The following HDAC9 variants were observed in gnomAD, a reference collection of about 807,000 sequenced individuals.
HDAC9 encodes histone deacetylase 9.
HDAC9 carries 41 observed loss-of-function variants against 139.4 expected under a neutral mutation model. That is an observed-to-expected ratio of 0.29 (90% CI 0.23 to 0.38). The LOEUF (loss-of-function observed/expected upper bound fraction) is 0.38. HDAC9 is among the 10% of genes least tolerant of loss of function. The pLI is 1.00. For missense variants in HDAC9, 1,147 were observed against 1,297.0 expected (o/e 0.88, Z 1.78); for synonymous variants, 517 against 476.2 (o/e 1.09, Z -1.12).
chr7:18,775,934 T>C lies in HDAC9; in HGVS notation c.2214+8779T>C, dbSNP rs1381562487. On this transcript the variant is annotated intron_variant, in intron 16 of 25. Coordinates refer to ENST00000686413, the MANE Select transcript of HDAC9 (RefSeq NM_178425.4). ...CTTTCTTTGATGGGGGCATCCAATT[T>C]TTTGTTTGTTTGTTTGAGACAGGGT... Among the ~76,000 whole-genome samples, 9 of 152,114 alleles carry C rather than the reference T, an allele frequency of 5.9e-5. No homozygotes were observed. In the East Asian group the frequency reaches 7.8e-4, roughly 13 times the overall value.
intron 24 of HDAC9, among the ~76,000 whole-genome samples, chr7:18,958,893 A>G: frequency 6.6e-6 from 1 of 152,146 alleles, no homozygotes; most frequent in East Asian, 1.9e-4. Context: ...AAGAACATGG[A>G]TTATTTTTGT....
chr7:18,105,863 G>A (rs1783164636), intron 1 of HDAC9, among the ~76,000 whole-genome samples: 1 of 152,148 alleles, frequency 6.6e-6, no homozygotes, highest in Admixed American at 6.5e-5. Flanking sequence ...ACAAAATGTG[G>A]TGTAGTTGCA....
chr7:18,848,452 T>C (rs1026270182), intron 21 of HDAC9, among the ~76,000 whole-genome samples: 11 of 152,102 alleles, frequency 7.2e-5, no homozygotes, highest in African/African-American at 2.2e-4. Context: ...GGTGCCCTTA[T>C]GAGCAGTGAC....
At chr7:18,847,244 A>G (rs1796969550) in intron 21 of HDAC9, among the ~76,000 whole-genome samples, 1 of 152,126 alleles carries the variant, frequency 6.6e-6, no homozygotes, top group Admixed American at 6.6e-5. Context: ...CCAGTGTTGA[A>G]TTTCACCGTT....
intron 1 of HDAC9, among the ~76,000 whole-genome samples, chr7:18,102,431 G>C (rs182615603): frequency 1.3e-5 from 2 of 152,296 alleles, no homozygotes; most frequent in East Asian, 1.9e-4. Flanking sequence ...CTTCAGCACT[G>C]TCATAAATAT....
chr7:18,590,837 C>A (rs1830737523), intron 4 of HDAC9, among the ~76,000 whole-genome samples: 1 of 150,864 alleles, frequency 6.6e-6, no homozygotes, highest in African/African-American at 2.4e-5. Flanking sequence ...TTACTCCTGG[C>A]CAAGTAATAA....
Position 18,626,365 on chromosome 7 carries a change from G to T in HDAC9, c.665-2985G>T, listed in dbSNP as rs1256687868. Among the ~76,000 whole-genome samples the T allele has an allele frequency of 2.6e-5, 4 of 152,180 alleles. No homozygotes were observed. In the East Asian group the frequency reaches 7.7e-4, roughly 29 times the overall value. ...ATTAAGCCCAAGTGAAATCCAACCAGCAAAGAACTAGAGTGTTGCAGCTCC... is the reference window on the plus strand; with the variant it reads ...ATTAAGCCCAAGTGAAATCCAACCATCAAAGAACTAGAGTGTTGCAGCTCC... On this transcript the variant is annotated intron_variant, in intron 6 of 25. Coordinates refer to ENST00000686413, the MANE Select transcript of HDAC9 (RefSeq NM_178425.4).
At chr7:18,631,504 T>C (rs951475891) in intron 7 of HDAC9, among the ~76,000 whole-genome samples, 2 of 152,110 alleles carry the variant, frequency 1.3e-5, no homozygotes, top group Non-Finnish European at 2.9e-5. Context: ...ATATTTTTAG[T>C]ATCTAGTCAG....
At chr7:18,754,841 C>T (rs1034863229) in intron 14 of HDAC9, among the ~76,000 whole-genome samples, 16 of 152,180 alleles carry the variant, frequency 1.1e-4, no homozygotes, top group African/African-American at 3.9e-4. Flanking sequence ...TAAAATACCT[C>T]TTTGTTTTAA....
At chr7:18,692,860 T>G (rs1413546071) in intron 12 of HDAC9, among the ~76,000 whole-genome samples, 1 of 152,130 alleles carries the variant, frequency 6.6e-6, no homozygotes, top group Non-Finnish European at 1.5e-5. Flanking sequence ...GTTATTTTTT[T>G]GTGGAAAGAA....
chr7:18,316,760 C>T lies in HDAC9; in HGVS notation c.-42+26245C>T, dbSNP rs552435328. ...TGAGCCCAGGAGTTGGAGGTTGTGG[C>T]GAGCCAAGATTGTGCCATTGTATTC... On this transcript the variant is annotated intron_variant, in intron 1 of 3. Transcript: ENST00000413509. Among the ~76,000 whole-genome samples the T allele has an allele frequency of 1.7e-3, 251 of 151,660 alleles. 1 individual carries two copies. Among genetic ancestry groups the T allele is most frequent in the Middle Eastern group, 0.01 (3 of 292 alleles).
At chr7:18,573,539 C>T (rs1421012438) in intron 2 of HDAC9, among the ~76,000 whole-genome samples, 4 of 152,200 alleles carry the variant, frequency 2.6e-5, no homozygotes, top group Admixed American at 6.5e-5. Context: ...AGGCTGCACT[C>T]GGCTCGTGCT....
intron 25 of HDAC9, among the ~76,000 whole-genome samples, chr7:18,983,155 A>G (rs1486899328): frequency 6.6e-6 from 1 of 152,138 alleles, no homozygotes; most frequent in Non-Finnish European, 1.5e-5. Context: ...TTTCTGTTTC[A>G]GAGTTTGACT....
At chr7:18,803,347 A>G (rs768286223) in intron 17 of HDAC9, among the ~76,000 whole-genome samples, 2 of 152,108 alleles carry the variant, frequency 1.3e-5, no homozygotes, top group Non-Finnish European at 2.9e-5. Flanking sequence ...GTATGATTGT[A>G]CTGTTTTAAC....
At chr7:18,267,879 T>A (rs1272586583) in intron 2 of HDAC9, among the ~76,000 whole-genome samples, 1 of 152,134 alleles carries the variant, frequency 6.6e-6, no homozygotes, top group East Asian at 1.9e-4. Flanking sequence ...ACATAGCTGT[T>A]TATGATAGAC....
At chr7:18,869,291 T>C (rs145467793) in intron 21 of HDAC9, among the ~76,000 whole-genome samples, 40 of 151,914 alleles carry the variant, frequency 2.6e-4, no homozygotes, top group African/African-American at 8.4e-4. Flanking sequence ...TGGGGCTTGG[T>C]GGGAGGTTGA....
chr7:18,591,096 C>G (rs1010600024), intron 4 of HDAC9, among the ~76,000 whole-genome samples: 1 of 152,106 alleles, frequency 6.6e-6, no homozygotes, highest in Non-Finnish European at 1.5e-5. Context: ...GGTTTTCAAA[C>G]TAGCAACTCA....
At chr7:18,389,568 T>C (rs908699130) in intron 1 of HDAC9, among the ~76,000 whole-genome samples, 9 of 152,198 alleles carry the variant, frequency 5.9e-5, no homozygotes, top group East Asian at 3.9e-4. Context: ...GACAAGGTTG[T>C]CACTTTACCT....
intron 1 of HDAC9, among the ~76,000 whole-genome samples, chr7:18,128,052 A>G (rs761517414): frequency 6.6e-6 from 1 of 152,106 alleles, no homozygotes; most frequent in Non-Finnish European, 1.5e-5. Flanking sequence ...ACAGAGGGAA[A>G]AGTTACGGTT....
Sources: gnomAD v4.1 joint callset for allele counts (sites outside exome capture counted in the v4.1 genomes callset) on GRCh38, gnomAD v4.1.1 for gene constraint, MANE v1.5 for transcripts, NCBI Gene and HGNC (gene_info 2026-07-23, HGNC 2026-07-21) for gene names.